XPR1: variants seen among roughly 807,000 people sequenced by gnomAD.
XPR1 encodes the protein solute carrier family 53 member 1.
Under a neutral mutation model 87.5 loss-of-function variants are expected in XPR1, and 28 were observed. That is an observed-to-expected ratio of 0.32 (90% CI 0.24 to 0.44). The LOEUF is 0.44. XPR1 is among the 20% of genes least tolerant of loss of function. The pLI is 1.00. For missense variants in XPR1, 559 were observed against 862.3 expected (o/e 0.65, Z 4.41); for synonymous variants, 300 against 306.1 (o/e 0.98, Z 0.21).
At chr1:180,783,291 T>C (rs1649011190) in intron 2 of XPR1, among the ~76,000 whole-genome samples, 1 of 152,022 alleles carries the variant, frequency 6.6e-6, no homozygotes, top group African/African-American at 2.4e-5. Flanking sequence ...CAACTAGCTA[T>C]GCTGGGCTGT....
At chr1:180,835,667 A>C (rs1651259836) in intron 10 of XPR1, among the ~76,000 whole-genome samples, 1 of 152,212 alleles carries the variant, frequency 6.6e-6, no homozygotes, top group African/African-American at 2.4e-5. Context: ...TAGGTTGATC[A>C]CACTCAATTC....
At chr1:180,719,238 T>A (rs1446692555) in intron 2 of XPR1, among the ~76,000 whole-genome samples, 1 of 152,240 alleles carries the variant, frequency 6.6e-6, no homozygotes, top group Non-Finnish European at 1.5e-5. Flanking sequence ...TAAATGTTTA[T>A]GTGATAATTT....
chr1:180,825,002 C>G (rs1211250330), intron 8 of XPR1, 59 bp downstream of exon 8: 10 of 1,558,150 alleles, frequency 6.4e-6, no homozygotes, highest in Non-Finnish European at 8.7e-6. Context: ...ATATAGCTAT[C>G]TGGTTTAGTG....
At chr1:180,734,903 G>C (rs1378946773) in intron 2 of XPR1, among the ~76,000 whole-genome samples, 1 of 152,146 alleles carries the variant, frequency 6.6e-6, no homozygotes, top group Admixed American at 6.5e-5. Context: ...TGCCTTAGCA[G>C]CAAGGATGTC....
chr1:180,708,909 T>TGGGG (rs34223946), intron 2 of XPR1, among the ~76,000 whole-genome samples: 16 of 23,732 alleles, frequency 6.7e-4, no homozygotes, highest in Non-Finnish European at 9.0e-4. Context: ...TTTTTTTTTT[T>TGGGG]GGGGGGGGGG....
chr1:180,797,007 G>A (rs1469393292), intron 3 of XPR1, among the ~76,000 whole-genome samples: 2 of 152,120 alleles, frequency 1.3e-5, no homozygotes, highest in Non-Finnish European at 2.9e-5. Flanking sequence ...CTGGGGTAGG[G>A]GGTGGAAGTG....
intron 2 of XPR1, among the ~76,000 whole-genome samples, chr1:180,747,236 A>G (rs562579458): frequency 4.0e-4 from 61 of 152,318 alleles, no homozygotes; most frequent in African/African-American, 1.4e-3. Context: ...AATACTAGTA[A>G]TCTTAACAAT....
intron 2 of XPR1, among the ~76,000 whole-genome samples, chr1:180,719,816 A>G (rs926886436): frequency 1.3e-5 from 2 of 152,226 alleles, no homozygotes; most frequent in African/African-American, 4.8e-5. Flanking sequence ...CCTACCTTAC[A>G]TAAACTGTTC....
intron 2 of XPR1, among the ~76,000 whole-genome samples, chr1:180,731,816 TTTCAGGTA>T (rs1434748559): frequency 1.3e-5 from 2 of 152,226 alleles, no homozygotes; most frequent in Non-Finnish European, 2.9e-5. Context: ...GGCTGCCACA[TTTCAGGTA>T]TTCATGTAGC....
At chr1:180,781,966 A>T (rs755924579) in intron 2 of XPR1, among the ~76,000 whole-genome samples, 19 of 152,020 alleles carry the variant, frequency 1.2e-4, no homozygotes, top group Admixed American at 3.9e-4. Context: ...TCATCCACAA[A>T]TGCAAGGTGG....
intron 1 of XPR1, among the ~76,000 whole-genome samples, chr1:180,657,460 TTTTTGTATATGGTGAGAGATGGGGTCTAG>T (rs1655573806): frequency 6.6e-6 from 1 of 152,176 alleles, no homozygotes; most frequent in Non-Finnish European, 1.5e-5. Flanking sequence ...TTTTATTTGA[TTTTTGTATATGGTGAGAGATGGGGTCTAG>T]TTTTGTTCTT....
intron 2 of XPR1, among the ~76,000 whole-genome samples, chr1:180,727,119 T>A (rs1267282476): frequency 6.6e-6 from 1 of 152,022 alleles, no homozygotes; most frequent in East Asian, 1.9e-4. Context: ...TGCCTCAGCC[T>A]CCCAAAGTGC....
intron 2 of XPR1, among the ~76,000 whole-genome samples, chr1:180,686,493 C>T (rs1210260155): frequency 6.6e-6 from 1 of 152,080 alleles, no homozygotes; most frequent in Non-Finnish European, 1.5e-5. Flanking sequence ...CTGTAGATGT[C>T]TATTAGGTCC....
intron 2 of XPR1, among the ~76,000 whole-genome samples, chr1:180,754,162 C>T (rs1168751321): frequency 1.3e-5 from 2 of 152,130 alleles, no homozygotes; most frequent in African/African-American, 2.4e-5. Context: ...AATTACTTAA[C>T]TTCTGATAGA....
chr1:180,753,437 C>G (rs1198130162), intron 2 of XPR1, among the ~76,000 whole-genome samples: 4 of 151,882 alleles, frequency 2.6e-5, no homozygotes, highest in Admixed American at 2.0e-4. Context: ...GCCTGTAGTC[C>G]CAGCTACTCG....
intron 11 of XPR1, among the ~76,000 whole-genome samples, chr1:180,844,163 A>G (rs1651605942): frequency 6.6e-6 from 1 of 152,166 alleles, no homozygotes; most frequent in African/African-American, 2.4e-5. Context: ...GTGAGCCGAG[A>G]TTACACCATT....
chr1:180,728,202 T>C (rs1015456105), intron 2 of XPR1, among the ~76,000 whole-genome samples: 3 of 150,594 alleles, frequency 2.0e-5, no homozygotes, highest in Non-Finnish European at 4.4e-5. Context: ...TTAAAAGATA[T>C]GGATGATTTA....
intron 2 of XPR1, among the ~76,000 whole-genome samples, chr1:180,774,390 T>TC (rs1263076037): frequency 7.1e-6 from 1 of 140,780 alleles, no homozygotes; most frequent in Non-Finnish European, 1.6e-5. Flanking sequence ...CTATCTTTTT[T>TC]TTTTTTTTTT....
chr1:180,859,205 C>T (rs547583014), intron 11 of XPR1, among the ~76,000 whole-genome samples: 224 of 152,210 alleles, frequency 1.5e-3, no homozygotes, highest in Non-Finnish European at 2.6e-3. Context: ...AAATCATTCC[C>T]ACATTGTCCC....
Sources: allele counts gnomAD v4.1 joint callset (sites outside exome capture counted in the v4.1 genomes callset), GRCh38; gene constraint gnomAD v4.1.1; transcripts MANE v1.5; gene names NCBI Gene and HGNC (gene_info 2026-07-23, HGNC 2026-07-21).